Variants in ITIH4 observed in about 807,000 individuals in gnomAD.
ITIH4 encodes inter-alpha-trypsin inhibitor heavy chain 4.
In ITIH4, 79 loss-of-function variants were observed where a neutral mutation model predicts 111.8. The ratio of observed to expected loss-of-function variants is 0.71; its 90% CI spans 0.59 to 0.85. The LOEUF (loss-of-function observed/expected upper bound fraction) is 0.85, where lower values mean the gene tolerates loss of function less well. Ranked by LOEUF, ITIH4 falls within the 40% of genes least tolerant of loss-of-function variation. ITIH4 has a pLI of 0.00. For synonymous variants in ITIH4, 472 were observed against 468.3 expected, an observed-to-expected ratio of 1.01 and a Z score of -0.10; for missense variants, 1,065 against 1,195.8, an observed-to-expected ratio of 0.89 and a Z score of 1.61.
In ITIH4 at chr3:52,821,655, C is replaced by T. The variant is rs373814577; in HGVS notation, c.1540-525G>A. 5.6e-4 allele frequency among the ~76,000 whole-genome samples: 85 copies of T among 152,178 alleles called. 1 individual carries two copies. In the East Asian group the frequency reaches 8.3e-3, roughly 15 times the overall value. On this transcript the variant is annotated intron_variant, in intron 11 of 23. Coordinates refer to ENST00000266041, the MANE Select transcript of ITIH4 (RefSeq NM_002218.5). ...GTCCCTGTCCAAGCTGGCCCCTCTG[C>T]GGCTGGCCACCGTGGGACAATGACA...
At chr3:52,814,181 G>T in intron 22 of ITIH4, 28 bp downstream of exon 22, 1 of 1,608,904 alleles carries the variant, frequency 6.2e-7, no homozygotes, top group Non-Finnish European at 8.5e-7. Flanking sequence ...TCTGAGGAAG[G>T]CCTGGGCCCC....
At chr3:52,822,289 G>A (rs1406406615) in intron 11 of ITIH4, 2 of 152,052 alleles carry the variant, frequency 1.3e-5, no homozygotes, top group Non-Finnish European at 2.9e-5. Context: ...CTTGCAATGA[G>A]CCGAGATCCA....
In ITIH4 at chr3:52,819,937, C is replaced by T. The variant is rs368319659; in HGVS notation, c.1912+3G>A. 4.3e-6 allele frequency: 7 copies of T among 1,613,620 alleles called. 1 individual carries two copies. The African/African-American group carries it at 6.7e-5, about 15-fold the overall frequency. On this transcript the variant is annotated splice_donor_region_variant and intron_variant, in intron 15 of 23. Coordinates refer to ENST00000266041, the MANE Select transcript of ITIH4 (RefSeq NM_002218.5). ...CCCCTCCCCCCACCTCCTACTTTGTCACCTGGTTTTGGTATTTTTGCTCCC... is the reference window on the plus strand; with the variant it reads ...CCCCTCCCCCCACCTCCTACTTTGTTACCTGGTTTTGGTATTTTTGCTCCC...
At position 52,814,058 on chromosome 3, in the gene ITIH4, CT is replaced by C. The variant is rs750111564; in HGVS notation, c.2639del (p.Gln880ArgfsTer18). On this transcript the variant is annotated frameshift_variant, in exon 23 of 24. Transcript: ENST00000266041. LOFTEE classifies it high-confidence loss of function. Reference protein sequence around the residue: ...HVGGTLGQFYQEVLWGSPAAS... With the variant: ...HVGGTLGQFYXEVLWGSPAAS... ...CTGCTGGAGATCCCCAGAGCACCTC[CT>C]GGTAAAACTGGCCTGAGATACAAAG... 1 of 1,613,858 alleles carries C rather than the reference CT, an allele frequency of 6.2e-7. No individual in the cohort carries two copies. The highest frequency in any genetic ancestry group is 8.5e-7 in the Non-Finnish European group (1 of 1,179,938).
chr3:52,830,197 C>T (rs920199647), intron 1 of ITIH4: 2 of 371,460 alleles, frequency 5.4e-6, no homozygotes, highest in African/African-American at 2.1e-5. Context: ...TTTTCACAAC[C>T]GCCACCCTCT....
At chr3:52,817,117 TG>T in intron 20 of ITIH4, 59 bp from the exon 21 acceptor site, 1 of 1,481,932 alleles carries the variant, frequency 6.7e-7, no homozygotes, top group Admixed American at 1.8e-5. Flanking sequence ...GACACCGACC[TG>T]CATGGGGAGT....
At chr3:52,819,254 A>T (rs560811650) in intron 17 of ITIH4, 139 bp downstream of exon 17, 8 of 932,178 alleles carry the variant, frequency 8.6e-6, no homozygotes, top group Admixed American at 2.6e-5. Context: ...ACTGACCCAC[A>T]ATTACTTCAC....
Position 52,813,493 on chromosome 3 carries a change from GA to G in ITIH4, c.2724-4del, listed in dbSNP as rs1465810489. ...CCTGGTAATCCAGCCTGCGCTCTCT[GA>G]AATGGAAAGACAGACAGATAGGCAG... On this transcript the variant is annotated splice_region_variant and splice_polypyrimidine_tract_variant and intron_variant, in intron 23 of 23. Coordinates refer to ENST00000266041, the MANE Select transcript of ITIH4 (RefSeq NM_002218.5). 6 of 1,613,698 alleles carry G rather than the reference GA, an allele frequency of 3.7e-6. No individual in the cohort carries two copies. The highest frequency in any genetic ancestry group is 5.1e-6 in the Non-Finnish European group (6 of 1,179,640).
Position 52,820,796 on chromosome 3 carries a change from A to G in ITIH4, c.1680-11T>C. 6.3e-7 allele frequency: 1 copy of G among 1,598,510 alleles called. No individual in the cohort carries two copies. Among genetic ancestry groups the G allele is most frequent in the Non-Finnish European group, 8.5e-7 (1 of 1,170,974 alleles). On this transcript the variant is annotated splice_polypyrimidine_tract_variant and intron_variant, in intron 12 of 23. Transcript: ENST00000266041. ...TCGGATGCGGAGACACTGTAGGTGG[A>G]GCACATCAGAGCTCAGGAGATCCTT...
chr3:52,819,919 C>T (rs1700347968), intron 15 of ITIH4, 21 bp downstream of exon 15: 2 of 1,612,558 alleles, frequency 1.2e-6, no homozygotes, highest in Middle Eastern at 1.7e-4. Flanking sequence ...TCTCCCCTCC[C>T]CCCACCTCCT....
Position 52,820,579 on chromosome 3 carries a change from C to T in ITIH4, c.1834+52G>A, listed in dbSNP as rs879135346. Reference sequence around the variant, plus strand: ...GATGCAGGGAAGATCGGGGAGAACGCTGGGTCCAAACTCTGCTACCTGGGA... The same window carrying T: ...GATGCAGGGAAGATCGGGGAGAACGTTGGGTCCAAACTCTGCTACCTGGGA... On this transcript the variant is annotated intron_variant, in intron 13 of 23. Transcript: ENST00000266041. The T allele has an allele frequency of 7.2e-5, 112 of 1,559,868 alleles. No homozygotes were observed. In the South Asian group the frequency reaches 1.1e-3, roughly 15 times the overall value.
chr3:52,819,742 C>T lies in ITIH4; in HGVS notation c.1951+12G>A, dbSNP rs1408034096. On this transcript the variant is annotated intron_variant, in intron 16 of 23. Transcript: ENST00000266041. ...ATGTCATGCCTCCCCCTGGCAGAAA[C>T]CCTCAAACTACCTTGTCTATTCCAT... 6.8e-6 allele frequency: 11 copies of T among 1,613,696 alleles called. No homozygotes were observed. In the East Asian group the frequency reaches 2.2e-4, roughly 33 times the overall value.
In ITIH4 at chr3:52,817,363, C is replaced by T. The variant is rs41292860; in HGVS notation, c.2297-305G>A. 7.6e-4 allele frequency among the ~76,000 whole-genome samples: 115 copies of T among 152,242 alleles called. 1 individual carries two copies. The highest frequency in any genetic ancestry group is 9.8e-4 in the Non-Finnish European group (67 of 68,044). ...TAAGCCTTCAGAACGCCCCATGGAG[C>T]GCCTGGCCCTGAGCTAGATGCCGCG... On this transcript the variant is annotated intron_variant, in intron 20 of 23. Coordinates refer to ENST00000266041, the MANE Select transcript of ITIH4 (RefSeq NM_002218.5).
rs1281832657 is a variant in ITIH4 at position 52,829,176 on chromosome 3, T to C, written c.194A>G (p.Gln65Arg). 6.2e-7 allele frequency: 1 copy of C among 1,613,356 alleles called. No individual in the cohort carries two copies. The highest frequency in any genetic ancestry group is 1.3e-5 in the African/African-American group (1 of 74,908). Residue 65 changes from glutamine (Q) to arginine (R), a missense_variant, in exon 2 of 24, where the codon CAG becomes CGG. Physicochemically the swap from Gln to Arg is conservative, Grantham distance 43. Transcript: ENST00000266041. The stretch of plus-strand genomic sequence containing the variant: ...CAGCTCCATCTGGAAGGTGGCCTCC[T>C]GCACAGTATTGGCCCTATTGACCAC... ...SRVVNRANTV[Q>R]EATFQMELPK... is the part of the protein sequence containing the mutation.
At chr3:52,822,460 C>A (rs1700400369) in intron 11 of ITIH4, 1 of 152,192 alleles carries the variant, frequency 6.6e-6, no homozygotes, top group African/African-American at 2.4e-5. Context: ...TCCCCTGAGT[C>A]ACCTTGGGTT....
In ITIH4 at chr3:52,813,297, C is replaced by T. The variant is rs1700222403; in HGVS notation, c.*124G>A. 1.1e-6 allele frequency: 1 copy of T among 886,930 alleles called. No individual in the cohort carries two copies. Among genetic ancestry groups the T allele is most frequent in the African/African-American group, 1.7e-5 (1 of 60,290 alleles). 54.9% of individuals were successfully genotyped at this position (886,930 alleles called of 1,614,324 possible). A position where few individuals can be genotyped will look rare whatever the true frequency, so the allele number is the denominator to read the frequency against. ...AGACACCCACTTCCCAGGCTCACAC[C>T]ACCTTTCTTTATTTGTAATGAGTGG... On this transcript the variant is annotated 3_prime_UTR_variant, in exon 24 of 24. Transcript: ENST00000266041.
intron 2 of ITIH4, 129 bp downstream of exon 2, chr3:52,828,990 T>C (rs1203837825): frequency 1.3e-6 from 1 of 774,042 alleles, no homozygotes; most frequent in Non-Finnish European, 2.0e-6. Flanking sequence ...TGGCCCCAGG[T>C]GCAGGGTGTA....
At chr3:52,813,790 T>A (rs920138865) in intron 23 of ITIH4, among the ~76,000 whole-genome samples, 185 bp downstream of exon 23, 2 of 152,230 alleles carry the variant, frequency 1.3e-5, no homozygotes, top group Admixed American at 6.5e-5. Flanking sequence ...GGGTCTGAGA[T>A]GGCCATCCAT....
At chr3:52,822,151 G>C (rs940898200) in intron 11 of ITIH4, 1 of 152,166 alleles carries the variant, frequency 6.6e-6, no homozygotes, top group African/African-American at 2.4e-5. Context: ...AGACCATCCT[G>C]GCTAACAAGG....
Sources: allele counts gnomAD v4.1 joint callset (sites outside exome capture counted in the v4.1 genomes callset), GRCh38; gene constraint gnomAD v4.1.1; transcripts MANE v1.5; gene names NCBI Gene and HGNC (gene_info 2026-07-23, HGNC 2026-07-21).